The following POM121 variants were observed in gnomAD, a reference collection of about 807,000 sequenced individuals.
POM121 encodes the protein nuclear envelope pore membrane protein POM 121.
A neutral mutation model predicts 81.3 loss-of-function variants in POM121; 32 were observed. The ratio of observed to expected loss-of-function variants is 0.39; its 90% CI spans 0.30 to 0.53. The LOEUF is 0.53. Ranked by LOEUF, POM121 falls within the 20% of genes least tolerant of loss-of-function variation. The pLI is 0.66. For synonymous variants in POM121, 514 were observed against 694.2 expected, an observed-to-expected ratio of 0.74 and a Z score of 4.08; for missense variants, 1,138 against 1,614.6, an observed-to-expected ratio of 0.70 and a Z score of 5.06.
chr7:72,925,411 G>C lies in POM121; in HGVS notation c.290G>C (p.Arg97Pro). The C allele has an allele frequency of 6.5e-7, 1 of 1,532,180 alleles. No individual in the cohort carries two copies. The allele number at this position is 1,532,180 out of a possible 1,614,324, so 94.9% of individuals were successfully genotyped here. The change falls in exon 1 of 13, where the codon CGG becomes CCG. Residue 97 changes from arginine (R) to proline (P), a missense_variant. Physicochemically the swap from Arg to Pro is moderately radical, Grantham distance 103. Around this residue, in one of 7 missense-constraint regions of POM121, gnomAD observed 646 missense variants for 633.5 expected, o/e 1.02. Coordinates refer to ENST00000434423, the MANE Select transcript of POM121 (RefSeq NM_001387691.1). ...RHRRPLSSFV[R>P]KARHRRTLFA... is the part of the protein sequence containing the mutation. ...CGGCGCCCCTTGTCCTCCTTCGTTC[G>C]GAAGGCGCGTCATCGGCGAACACTG...
rs1554496993 is a variant in POM121 at position 72,925,384 on chromosome 7, A to G, written c.263A>G (p.His88Arg). 7 of 1,522,486 alleles carry G rather than the reference A, an allele frequency of 4.6e-6. No homozygotes were observed. Among genetic ancestry groups the G allele is most frequent in the South Asian group, 1.2e-5 (1 of 83,698 alleles). The allele number at this position is 1,522,486 out of a possible 1,614,324, so 94.3% of individuals were successfully genotyped here. Residue 88 changes from histidine to arginine, a missense_variant, in exon 1 of 13, where the codon CAT (histidine) becomes CGT (arginine). This residue lies in a region of POM121 where 646 missense variants were observed against 633.5 expected (regional missense o/e 1.02). Coordinates refer to ENST00000434423, the MANE Select transcript of POM121 (RefSeq NM_001387691.1). Reference protein sequence around the residue: ...PLSSFVRKARHRRPLSSFVRK... With the variant: ...PLSSFVRKARRRRPLSSFVRK... ...TCCTCCTTCGTTCGGAAGGCGCGTCATCGGCGCCCCTTGTCCTCCTTCGTT... is the reference window on the plus strand; with the variant it reads ...TCCTCCTTCGTTCGGAAGGCGCGTCGTCGGCGCCCCTTGTCCTCCTTCGTT...
chr7:72,925,208 C>G lies in POM121; in HGVS notation c.87C>G (p.Gly29=). 2.0e-6 allele frequency: 3 copies of G among 1,524,334 alleles called. No individual in the cohort carries two copies. Among genetic ancestry groups the G allele is most frequent in the Non-Finnish European group, 1.8e-6 (2 of 1,142,486 alleles). 94.4% of individuals were successfully genotyped at this position (1,524,334 alleles called of 1,614,324 possible). Residue 29 remains glycine, a synonymous_variant, in exon 1 of 13, where the codon GGC becomes GGG. Transcript: ENST00000434423. Reference sequence around the variant, plus strand: ...GGGACGGCCGGGGCCGGGGCTGCGGCGGGCCGGCCAGGGCGGTGCTCCTGG... The same window carrying G: ...GGGACGGCCGGGGCCGGGGCTGCGGGGGGCCGGCCAGGGCGGTGCTCCTGG... The part of the protein sequence containing the change: ...SVRDGRGRGC[G]GPARAVLLGL...
At chr7:72,879,993 A>G (rs1789970875) in intron 1 of POM121, 1 of 386,408 alleles carries the variant, frequency 2.6e-6, no homozygotes, top group Non-Finnish European at 5.1e-6. Flanking sequence ...TGCTTGCCGG[A>G]GAGACATGTG....
At chr7:72,950,015 C>A (rs370360449), downstream of POM121, 6 of 1,538,442 alleles carry the variant, frequency 3.9e-6, no homozygotes, top group Non-Finnish European at 4.5e-6. Context: ...CTAGGCCCTT[C>A]CCGTGCCTAC....
chr7:72,893,297 A>G (rs567551774), intron 3 of POM121, among the ~76,000 whole-genome samples: 1 of 151,944 alleles, frequency 6.6e-6, no homozygotes, highest in Non-Finnish European at 1.5e-5. Flanking sequence ...AAAACCACGT[A>G]ACATGGCCAG....
intron 1 of POM121, among the ~76,000 whole-genome samples, chr7:72,925,971 C>T (rs1343883026): frequency 6.6e-6 from 1 of 152,128 alleles, no homozygotes; most frequent in African/African-American, 2.4e-5. Flanking sequence ...CGATTCTCTT[C>T]TTTCCAGTTC....
chr7:72,939,991 C>T, intron 8 of POM121, 23 bp downstream of exon 8: 2 of 1,600,002 alleles, frequency 1.3e-6, no homozygotes, highest in Non-Finnish European at 1.7e-6. Flanking sequence ...CCATCTACTC[C>T]TGCCCTCCCC....
At position 72,925,718 on chromosome 7, in the gene POM121, C is replaced by A. The variant is rs1474409964; in HGVS notation, c.597C>A (p.Pro199=). The A allele has an allele frequency of 3.5e-5, 45 of 1,285,930 alleles. No homozygotes were observed. Among genetic ancestry groups the A allele is most frequent in the Non-Finnish European group, 4.1e-5 (42 of 1,014,116 alleles). 79.7% of individuals were successfully genotyped at this position (1,285,930 alleles called of 1,614,324 possible). The change falls in exon 1 of 13, where the codon CCC becomes CCA. Residue 199 remains proline (P), a synonymous_variant. Coordinates refer to ENST00000434423, the MANE Select transcript of POM121 (RefSeq NM_001387691.1). ...CCCATCGCGCTCACCACGTTTACCC[C>A]TCTCTGCCCACTCCTCTTCTCCGAC... ...PPTHRAHHVY[P]SLPTPLLRPS...
intron 4 of POM121, among the ~76,000 whole-genome samples, chr7:72,914,338 T>G (rs556700243): frequency 2.2e-4 from 33 of 152,314 alleles, no homozygotes; most frequent in Non-Finnish European, 4.6e-4. Context: ...GCCCCACATG[T>G]CGTGGACCAG....
At chr7:72,939,203 C>T (rs2096034628) in intron 6 of POM121, 133 bp from the exon 7 acceptor site, 2 of 1,295,318 alleles carry the variant, frequency 1.5e-6, no homozygotes, top group East Asian at 2.5e-5. Flanking sequence ...CTTTTTTTAT[C>T]CTGGCATACT....
chr7:72,908,141 A>G (rs1481898553), intron 3 of POM121, among the ~76,000 whole-genome samples: 2 of 152,248 alleles, frequency 1.3e-5, no homozygotes, highest in Non-Finnish European at 2.9e-5. Flanking sequence ...GTTCTTCTAC[A>G]TATCTTCAAT....
At chr7:72,886,357 A>G (rs1790718443) in intron 1 of POM121, among the ~76,000 whole-genome samples, 1 of 152,036 alleles carries the variant, frequency 6.6e-6, no homozygotes, top group Non-Finnish European at 1.5e-5. Flanking sequence ...TATTTTTAGT[A>G]GAGACGAGGT....
chr7:72,897,308 G>A (rs1792065862), intron 3 of POM121, among the ~76,000 whole-genome samples: 1 of 152,170 alleles, frequency 6.6e-6, no homozygotes. Context: ...TGAAGGAGGT[G>A]GAGAGAGAGC....
downstream of POM121, chr7:72,949,997 A>AC (rs1797955335): frequency 6.4e-7 from 1 of 1,562,762 alleles, no homozygotes; most frequent in African/African-American, 1.4e-5. Context: ...GTAAACAGAG[A>AC]CCCCAGGCTA....
At chr7:72,885,982 T>G (rs1466572397) in intron 1 of POM121, among the ~76,000 whole-genome samples, 5 of 152,134 alleles carry the variant, frequency 3.3e-5, no homozygotes, top group Non-Finnish European at 7.3e-5. Flanking sequence ...AGTATGCAAC[T>G]TTAATTGTCA....
intron 6 of POM121, 134 bp downstream of exon 6, chr7:72,938,815 G>A: frequency 1.9e-6 from 2 of 1,078,020 alleles, no homozygotes; most frequent in Non-Finnish European, 2.8e-6. Flanking sequence ...GTCCCTGAGA[G>A]GTACAATGCA....
intron 1 of POM121, among the ~76,000 whole-genome samples, chr7:72,881,899 G>T (rs1257933325): frequency 6.6e-6 from 1 of 152,284 alleles, no homozygotes. Flanking sequence ...CCAAAGTGCT[G>T]GGATTACAGG....
chr7:72,910,683 G>A (rs1554494130), intron 3 of POM121, among the ~76,000 whole-genome samples: 1 of 151,904 alleles, frequency 6.6e-6, no homozygotes, highest in East Asian at 1.9e-4. Context: ...GGAAGGTGCA[G>A]CTTTTTTCAG....
intron 3 of POM121, among the ~76,000 whole-genome samples, chr7:72,903,280 C>T (rs1306143499): frequency 4.6e-5 from 7 of 151,992 alleles, no homozygotes; most frequent in Admixed American, 4.6e-4. Context: ...TACTAAAAAT[C>T]CCAAAACTTA....
Sources: gnomAD v4.1 joint callset for allele counts (sites outside exome capture counted in the v4.1 genomes callset) on GRCh38, gnomAD v4.1.1 for gene constraint, gnomAD v4.1.1 regional missense constraint, MANE v1.5 for transcripts, NCBI Gene and HGNC (gene_info 2026-07-23, HGNC 2026-07-21) for gene names.